The following DMXL1 variants were observed in gnomAD, a reference collection of about 807,000 sequenced individuals.
DMXL1 encodes the protein Dmx like 1.
A neutral mutation model predicts 319.2 loss-of-function variants in DMXL1; 99 were observed. The observed-to-expected ratio is 0.31, with a 90% CI of 0.26 to 0.37. The LOEUF is 0.37. Ranked by LOEUF, DMXL1 falls within the 10% of genes least tolerant of loss-of-function variation. The pLI is 1.00. For synonymous variants in DMXL1, 1,385 were observed against 1,235.2 expected, an observed-to-expected ratio of 1.12 and a Z score of -2.54; for missense variants, 3,745 against 3,595.6, an observed-to-expected ratio of 1.04 and a Z score of -1.06.
Position 119,230,654 on chromosome 5 carries a change from G to A in DMXL1, c.8339-2686G>A, listed in dbSNP as rs111920499. Among the ~76,000 whole-genome samples the A allele has an allele frequency of 1.8e-3, 270 of 152,220 alleles. 2 individuals carry two copies. Among genetic ancestry groups the A allele is most frequent in the African/African-American group, 4.0e-3 (166 of 41,540 alleles). ...TCCCAGCACTTTGGGAGGCCAAGGC[G>A]GGCAGATCACAAGGTAAGGAGATTG... On this transcript the variant is annotated intron_variant, in intron 38 of 43. Transcript: ENST00000539542.
At chr5:119,222,840 C>A (rs1784876009) in intron 37 of DMXL1, among the ~76,000 whole-genome samples, 1 of 152,052 alleles carries the variant, frequency 6.6e-6, no homozygotes, top group Admixed American at 6.6e-5. Context: ...TTATTAAGCT[C>A]ATGGTTATGT....
Position 119,071,392 on chromosome 5 carries a change from G to T in DMXL1, c.-178G>T, listed in dbSNP as rs1238931267. 1.5e-5 allele frequency: 9 copies of T among 597,662 alleles called. No individual in the cohort carries two copies. The highest frequency in any genetic ancestry group is 2.3e-5 in the Non-Finnish European group (8 of 351,766). The allele number at this position is 597,662 out of a possible 1,614,324, so 37.0% of individuals were successfully genotyped here. ...CCGCCCCCTCCGGGCCTCGCCCTCC[G>T]GGGCTCGGGATGAGTCGCGGGCCCC... On this transcript the variant is annotated 5_prime_UTR_variant, in exon 1 of 44. Coordinates refer to ENST00000539542, the MANE Select transcript of DMXL1 (RefSeq NM_001290321.3).
intron 9 of DMXL1, 48 bp downstream of exon 9, chr5:119,121,187 T>A: frequency 2.1e-6 from 3 of 1,461,696 alleles, no homozygotes; most frequent in Non-Finnish European, 2.8e-6. Context: ...AATAGATTGA[T>A]TTTATAACAA....
At chr5:119,173,798 A>ATATATATATATATATAT (rs1307519155) in intron 25 of DMXL1, among the ~76,000 whole-genome samples, 26 of 126,642 alleles carry the variant, frequency 2.1e-4, no homozygotes, top group East Asian at 2.8e-4. Flanking sequence ...ATATATATAT[A>ATATATATATATATATAT]ATGAGAGAGA....
At chr5:119,157,701 A>G (rs967702379) in intron 19 of DMXL1, among the ~76,000 whole-genome samples, 5 of 152,190 alleles carry the variant, frequency 3.3e-5, no homozygotes, top group Admixed American at 1.3e-4. Context: ...CACCAGTATC[A>G]TGCTATTTTG....
At chr5:119,084,539 A>G (rs1333804906) in intron 1 of DMXL1, among the ~76,000 whole-genome samples, 1 of 152,142 alleles carries the variant, frequency 6.6e-6, no homozygotes, top group Non-Finnish European at 1.5e-5. Flanking sequence ...TCTGTATCAG[A>G]ATACCAAAAA....
At chr5:119,147,041 T>C (rs995444128) in intron 16 of DMXL1, 85 bp downstream of exon 16, 2 of 1,471,246 alleles carry the variant, frequency 1.4e-6, no homozygotes, top group African/African-American at 2.8e-5. Flanking sequence ...GGGACATATT[T>C]CTTAAAGCCA....
chr5:119,088,977 C>T (rs917896655), intron 1 of DMXL1, among the ~76,000 whole-genome samples: 10 of 151,758 alleles, frequency 6.6e-5, no homozygotes, highest in Middle Eastern at 3.4e-3. Flanking sequence ...TTTATATCTT[C>T]CAAAACAATT....
intron 33 of DMXL1, 55 bp downstream of exon 33, chr5:119,203,491 T>C (rs1435628470): frequency 9.7e-7 from 1 of 1,030,496 alleles, no homozygotes; most frequent in East Asian, 2.7e-5. Flanking sequence ...TTTTATATTA[T>C]CATGTAACCA....
At chr5:119,174,325 A>T (rs887652046) in intron 25 of DMXL1, among the ~76,000 whole-genome samples, 1 of 147,366 alleles carries the variant, frequency 6.8e-6, no homozygotes, top group Admixed American at 6.8e-5. Context: ...CGGAACTCAC[A>T]CTTCACTTCT....
In DMXL1 at chr5:119,164,573, T is replaced by C; in HGVS notation, c.4769T>C (p.Leu1590Ser). The change falls in exon 20 of 44, where the codon TTG becomes TCG. Residue 1590 changes from leucine (L) to serine (S), a missense_variant. This residue lies in a region of DMXL1 where 2,096 missense variants were observed against 1,985.4 expected (regional missense o/e 1.06). Coordinates refer to ENST00000539542, the MANE Select transcript of DMXL1 (RefSeq NM_001290321.3). The part of the protein sequence containing the change: ...SVAEEELLNM[L>S]PAMQKDDPTW... The stretch of plus-strand genomic sequence containing the variant: ...GCAGAAGAAGAACTGCTGAACATGT[T>C]GCCAGCCATGCAGAAAGATGATCCC... The C allele has an allele frequency of 6.2e-7, 1 of 1,614,186 alleles. No individual in the cohort carries two copies. Among genetic ancestry groups the C allele is most frequent in the South Asian group, 1.1e-5 (1 of 91,076 alleles).
intron 4 of DMXL1, among the ~76,000 whole-genome samples, chr5:119,106,298 A>G (rs1040801347): frequency 1.3e-5 from 2 of 152,144 alleles, no homozygotes; most frequent in African/African-American, 4.8e-5. Flanking sequence ...GCCACATTAT[A>G]TGGTCACAGG....
chr5:119,184,271 C>G (rs1328314934), intron 28 of DMXL1, among the ~76,000 whole-genome samples: 3 of 151,892 alleles, frequency 2.0e-5, no homozygotes, highest in Non-Finnish European at 2.9e-5. Context: ...CTCACTATAC[C>G]CAGGCTGGTC....
At chr5:119,178,997 A>G (rs1376454554) in intron 28 of DMXL1, among the ~76,000 whole-genome samples, 1 of 152,192 alleles carries the variant, frequency 6.6e-6, no homozygotes, top group South Asian at 2.1e-4. Flanking sequence ...ATGGCTTGAA[A>G]TGACTAGAAA....
chr5:119,193,297 A>G (rs1779018207), intron 29 of DMXL1, among the ~76,000 whole-genome samples: 1 of 152,090 alleles, frequency 6.6e-6, no homozygotes, highest in East Asian at 1.9e-4. Context: ...ACTTGATCAA[A>G]CTACTATTTT....
At chr5:119,227,116 C>T (rs1785727447) in intron 38 of DMXL1, among the ~76,000 whole-genome samples, 1 of 152,216 alleles carries the variant, frequency 6.6e-6, no homozygotes, top group Admixed American at 6.5e-5. Flanking sequence ...ACTGCATTAG[C>T]ATAAATTCAG....
At chr5:119,190,204 A>G (rs1778463972) in intron 29 of DMXL1, among the ~76,000 whole-genome samples, 1 of 152,202 alleles carries the variant, frequency 6.6e-6, no homozygotes, top group African/African-American at 2.4e-5. Flanking sequence ...TGATTAAGGA[A>G]TCAAAGTGCT....
chr5:119,246,126 C>G (rs1424189413), intron 43 of DMXL1, among the ~76,000 whole-genome samples: 1 of 152,120 alleles, frequency 6.6e-6, no homozygotes, highest in Non-Finnish European at 1.5e-5. Context: ...GCTTTACAGG[C>G]ACATTTATTT....
intron 41 of DMXL1, among the ~76,000 whole-genome samples, chr5:119,240,167 G>A (rs1788512652): frequency 6.6e-6 from 1 of 152,064 alleles, no homozygotes; most frequent in South Asian, 2.1e-4. Context: ...CAGCTACTCG[G>A]GACATTGAGG....
Sources: gnomAD v4.1 joint callset for allele counts (sites outside exome capture counted in the v4.1 genomes callset) on GRCh38, gnomAD v4.1.1 for gene constraint, gnomAD v4.1.1 regional missense constraint, MANE v1.5 for transcripts, NCBI Gene and HGNC (gene_info 2026-07-23, HGNC 2026-07-21) for gene names.